Variants in PPL observed in about 807,000 individuals in gnomAD.
PPL encodes the protein periplakin.
In PPL, 198 loss-of-function variants were observed where a neutral mutation model predicts 194.4. The observed-to-expected ratio is 1.02, with a 90% CI of 0.91 to 1.15. PPL has a LOEUF of 1.15. Ranked by LOEUF, PPL falls within the 50% of genes most tolerant of loss-of-function variation. The pLI, the probability that PPL is intolerant of heterozygous loss-of-function variation, is 0.00. For missense variants in PPL, 2,885 were observed against 2,294.8 expected (o/e 1.26, Z -5.25); for synonymous variants, 1,220 against 972.4 (o/e 1.25, Z -4.74).
chr16:4,897,651 G>A (rs772559732), intron 9 of PPL, 24 bp downstream of exon 9: 1 of 1,590,336 alleles, frequency 6.3e-7, no homozygotes, highest in Non-Finnish European at 8.6e-7. Context: ...CGGTGCTGGG[G>A]GGACTCCCAG....
intron 2 of PPL, among the ~76,000 whole-genome samples, chr16:4,904,977 G>T (rs1205785617): frequency 2.0e-5 from 3 of 152,204 alleles, no homozygotes; most frequent in Admixed American, 2.0e-4. Context: ...GGGACAGTAG[G>T]TTTCTAATCA....
rs2088414968 is a variant in PPL at position 4,895,730 on chromosome 16, T to C, written c.973-14A>G. 6.2e-7 allele frequency: 1 copy of C among 1,613,538 alleles called. No individual in the cohort carries two copies. Among genetic ancestry groups the C allele is most frequent in the Non-Finnish European group, 8.5e-7 (1 of 1,179,982 alleles). ...GTCTTCGTGAAACTAGGGGAGAAGG[T>C]GGCTCTGTTACAGCCAGGAAACCAC... On this transcript the variant is annotated splice_polypyrimidine_tract_variant and intron_variant, in intron 9 of 21. Coordinates refer to ENST00000345988, the MANE Select transcript of PPL (RefSeq NM_002705.5).
chr16:4,927,673 A>G (rs2089176791), intron 1 of PPL, among the ~76,000 whole-genome samples: 1 of 152,254 alleles, frequency 6.6e-6, no homozygotes, highest in Non-Finnish European at 1.5e-5. Context: ...AAATGTCCTC[A>G]CACCCAGCTA....
intron 1 of PPL, among the ~76,000 whole-genome samples, chr16:4,914,659 C>T (rs1387973185): frequency 6.6e-6 from 1 of 152,200 alleles, no homozygotes; most frequent in Non-Finnish European, 1.5e-5. Context: ...TTGGTCAAGG[C>T]ACTTAGGAAA....
rs1216016406 is a variant in PPL at position 4,894,578 on chromosome 16, T to C, written c.1283A>G (p.Asn428Ser). 2.5e-6 allele frequency: 4 copies of C among 1,613,860 alleles called. No individual in the cohort carries two copies. Among genetic ancestry groups the C allele is most frequent in the Non-Finnish European group, 1.7e-6 (2 of 1,179,950 alleles). ...CATGAGCTCCCAGCTCTCCCCGTTG[T>C]TCTTCTGCAGGGTGTAGCTGTAGCC... ...SRGYSYTLQK[N>S]NGESWELMDS... The change falls in exon 12 of 22, where the codon AAC becomes AGC. Residue 428 changes from asparagine (N) to serine (S), a missense_variant. Asn to Ser is a conservative substitution (Grantham distance 46, BLOSUM62 1). Coordinates refer to ENST00000345988, the MANE Select transcript of PPL (RefSeq NM_002705.5).
intron 3 of PPL, among the ~76,000 whole-genome samples, chr16:4,903,101 T>C (rs1412558453): frequency 1.3e-5 from 2 of 152,194 alleles, no homozygotes; most frequent in South Asian, 4.1e-4. Flanking sequence ...TTCTGGAGTC[T>C]GCCATCCAGC....
intron 6 of PPL, 48 bp downstream of exon 6, chr16:4,900,782 C>G: frequency 6.2e-7 from 1 of 1,612,790 alleles, no homozygotes; most frequent in Non-Finnish European, 8.5e-7. Context: ...TCCAAGCTTC[C>G]CATCCTCTCC....
Position 4,917,341 on chromosome 16 carries a change from G to T in PPL, c.63-6392C>A, listed in dbSNP as rs571827652. 5.9e-5 allele frequency among the ~76,000 whole-genome samples: 9 copies of T among 152,220 alleles called. No homozygotes were observed. The South Asian group carries it at 1.0e-3, about 18-fold the overall frequency. On this transcript the variant is annotated intron_variant, in intron 1 of 21. Transcript: ENST00000345988. ...TTATTCGGCCAAAGAATGAAGGCAGGACTGACAGCTGCTACAGCCTCAGGA... is the reference window on the plus strand; with the variant it reads ...TTATTCGGCCAAAGAATGAAGGCAGTACTGACAGCTGCTACAGCCTCAGGA...
intron 1 of PPL, among the ~76,000 whole-genome samples, chr16:4,913,536 G>C (rs1175347623): frequency 2.0e-5 from 3 of 152,284 alleles, no homozygotes; most frequent in East Asian, 3.9e-4. Context: ...AGATCACCCA[G>C]CTCTGCCTCT....
At chr16:4,926,844 A>G (rs1338174810) in intron 1 of PPL, among the ~76,000 whole-genome samples, 1 of 136,710 alleles carries the variant, frequency 7.3e-6, no homozygotes, top group African/African-American at 2.6e-5. Context: ...GTGCCACTGC[A>G]CTCCAGCCTG....
chr16:4,929,446 C>T (rs773602366), intron 1 of PPL, among the ~76,000 whole-genome samples: 24 of 152,132 alleles, frequency 1.6e-4, no homozygotes, highest in Non-Finnish European at 3.1e-4. Flanking sequence ...CGCCAGCTCG[C>T]CTTCTCTACT....
intron 21 of PPL, among the ~76,000 whole-genome samples, chr16:4,886,850 C>G (rs1477324143): frequency 1.3e-5 from 2 of 152,214 alleles, no homozygotes; most frequent in Non-Finnish European, 2.9e-5. Flanking sequence ...AACTCCTGAC[C>G]TCAGGTGATC....
At chr16:4,897,493 C>A (rs970129067) in intron 9 of PPL, among the ~76,000 whole-genome samples, 182 bp downstream of exon 9, 1 of 152,078 alleles carries the variant, frequency 6.6e-6, no homozygotes, top group Admixed American at 6.5e-5. Context: ...GGACAGGGGC[C>A]GGCAAGCTTG....
At chr16:4,903,411 A>G (rs539655104) in intron 3 of PPL, among the ~76,000 whole-genome samples, 1 of 152,166 alleles carries the variant, frequency 6.6e-6, no homozygotes, top group African/African-American at 2.4e-5. Context: ...CATCAAGAGG[A>G]TCATGTGAGG....
intron 1 of PPL, among the ~76,000 whole-genome samples, chr16:4,915,853 A>G (rs2088906212): frequency 6.6e-6 from 1 of 152,174 alleles, no homozygotes; most frequent in Non-Finnish European, 1.5e-5. Context: ...GAGAGGTTAA[A>G]TAACTCTCCC....
intron 9 of PPL, 133 bp from the exon 10 acceptor site, chr16:4,895,849 G>T: frequency 7.7e-7 from 1 of 1,294,870 alleles, no homozygotes; most frequent in Non-Finnish European, 1.1e-6. Context: ...GGGACCCTGT[G>T]CTGAGCCTGA....
At position 4,885,544 on chromosome 16, in the gene PPL, A is replaced by G. The variant is rs766866839; in HGVS notation, c.3111T>C (p.Arg1037=). 1.9e-6 allele frequency: 3 copies of G among 1,610,240 alleles called. No homozygotes were observed. Among genetic ancestry groups the G allele is most frequent in the Non-Finnish European group, 2.5e-6 (3 of 1,179,860 alleles). ...REAEVLLLQQ[R]VAALAEEKSR... ...TCTTCTCTTCAGCCAGGGCGGCCAC[A>G]CGCTGCTGCAGGAGGAGCACCTCTG... The change falls in exon 22 of 22, where the codon CGT becomes CGC. Residue 1037 remains arginine, a synonymous_variant. Coordinates refer to ENST00000345988, the MANE Select transcript of PPL (RefSeq NM_002705.5). This position sits in a 1 kb window ranked among gnomAD's most constrained non-coding sequence, Gnocchi z 6.3.
chr16:4,929,012 T>TA lies in PPL; in HGVS notation c.62+7971_62+7972insT, dbSNP rs1261798646. Among the ~76,000 whole-genome samples the TA allele has an allele frequency of 6.2e-5, 5 of 81,054 alleles. No individual in the cohort carries two copies. The South Asian group carries it at 2.0e-3, about 32-fold the overall frequency. The allele number at this position is 81,054 out of a possible 152,430, so 53.2% of individuals were successfully genotyped here. On this transcript the variant is annotated intron_variant, in intron 1 of 21. Coordinates refer to ENST00000345988, the MANE Select transcript of PPL (RefSeq NM_002705.5). ...TGGGCAACAAAAGTGAAACTCTACC[T>TA]TAAAAAAAAAAAAAAAAAAAAAAAA...
intron 1 of PPL, among the ~76,000 whole-genome samples, chr16:4,934,295 G>A (rs2089264387): frequency 6.6e-6 from 1 of 152,112 alleles, no homozygotes; most frequent in Admixed American, 6.5e-5. Context: ...TGGAAGGGGT[G>A]GCTTTCTCGG....
Sources: allele counts gnomAD v4.1 joint callset (sites outside exome capture counted in the v4.1 genomes callset), GRCh38; gene constraint gnomAD v4.1.1; non-coding constraint Gnocchi (gnomAD v3.1); transcripts MANE v1.5; gene names NCBI Gene and HGNC (gene_info 2026-07-23, HGNC 2026-07-21).